Variants in DNAH11 observed in about 807,000 individuals in gnomAD.
DNAH11 encodes the protein axonemal beta dynein heavy chain 11.
In DNAH11, 442 loss-of-function variants were observed where a neutral mutation model predicts 526.0. The ratio of observed to expected loss-of-function variants is 0.84; its 90% CI spans 0.78 to 0.91. The LOEUF is 0.91. Among genes scored for constraint, DNAH11 ranks in the 40% least tolerant of loss-of-function variants. DNAH11 has a pLI of 0.00. For missense variants in DNAH11, 6,989 were observed against 5,448.7 expected (o/e 1.28, Z -8.90); for synonymous variants, 2,461 against 1,935.9 (o/e 1.27, Z -7.12).
intron 51 of DNAH11, 127 bp downstream of exon 51, chr7:21,745,190 AT>A (rs753390814): frequency 1.2e-5 from 12 of 966,866 alleles, no homozygotes; most frequent in Non-Finnish European, 1.6e-5. Context: ...TTGACATATA[AT>A]TTTAAAATAT....
intron 63 of DNAH11, among the ~76,000 whole-genome samples, chr7:21,809,622 G>A (rs1257882349): frequency 6.6e-6 from 1 of 151,932 alleles, no homozygotes; most frequent in Non-Finnish European, 1.5e-5. Context: ...GGAGTGCAAT[G>A]GTTCAGTCTC....
At chr7:21,621,883 G>A (rs1352265425) in intron 25 of DNAH11, among the ~76,000 whole-genome samples, 2 of 152,050 alleles carry the variant, frequency 1.3e-5, no homozygotes, top group Non-Finnish European at 2.9e-5. Context: ...GCGAAAACTG[G>A]AAGCATTCCC....
At chr7:21,748,047 G>T (rs940042779) in intron 51 of DNAH11, among the ~76,000 whole-genome samples, 1 of 152,220 alleles carries the variant, frequency 6.6e-6, no homozygotes, top group Non-Finnish European at 1.5e-5. Flanking sequence ...ATTAGCAGAG[G>T]ATGATTTGTC....
At chr7:21,635,684 A>G (rs1477425305) in intron 25 of DNAH11, among the ~76,000 whole-genome samples, 187 bp from the exon 26 acceptor site, 1 of 152,160 alleles carries the variant, frequency 6.6e-6, no homozygotes, top group South Asian at 2.1e-4. Flanking sequence ...AAATGTTAAT[A>G]TAAATATTTA....
At chr7:21,608,103 C>T (rs901583527) in intron 20 of DNAH11, among the ~76,000 whole-genome samples, 4 of 150,496 alleles carry the variant, frequency 2.7e-5, no homozygotes, top group Admixed American at 2.7e-4. Flanking sequence ...ATTCTTTTGC[C>T]CGTAACTTTT....
rs1323005138 is a variant in DNAH11, at chr7:21,852,330, C to G, written c.10897-137C>G. 5 of 792,478 alleles carry G rather than the reference C, an allele frequency of 6.3e-6. No individual in the cohort carries two copies. The Admixed American group carries it at 1.6e-4, about 25-fold the overall frequency. 49.1% of individuals were successfully genotyped at this position (792,478 alleles called of 1,614,324 possible). On this transcript the variant is annotated intron_variant, in intron 66 of 81. Coordinates refer to ENST00000409508, the MANE Select transcript of DNAH11 (RefSeq NM_001277115.2). Reference sequence around the variant, plus strand: ...GCTGAGGCAGGAGAATCGCTTTAACCCAGGAGGCACACGTCGCAGTGAGCC... The same window carrying G: ...GCTGAGGCAGGAGAATCGCTTTAACGCAGGAGGCACACGTCGCAGTGAGCC...
At chr7:21,785,525 T>C (rs967874834) in intron 58 of DNAH11, among the ~76,000 whole-genome samples, 3 of 152,200 alleles carry the variant, frequency 2.0e-5, no homozygotes, top group African/African-American at 7.2e-5. Flanking sequence ...CTAATTCTTT[T>C]GGTAAGAATA....
At chr7:21,835,179 A>C (rs1781944485) in intron 65 of DNAH11, among the ~76,000 whole-genome samples, 1 of 151,716 alleles carries the variant, frequency 6.6e-6, no homozygotes, top group Non-Finnish European at 1.5e-5. Context: ...GAATTCTATC[A>C]AACATTTAAA....
chr7:21,659,699 GCA>G (rs1318671513), intron 30 of DNAH11, among the ~76,000 whole-genome samples: 4 of 152,026 alleles, frequency 2.6e-5, no homozygotes, highest in Non-Finnish European at 4.4e-5. Context: ...TCCCAATGTT[GCA>G]CAGTTTATAA....
intron 76 of DNAH11, among the ~76,000 whole-genome samples, chr7:21,890,910 C>T (rs986146194): frequency 1.3e-5 from 2 of 151,926 alleles, no homozygotes; most frequent in African/African-American, 4.8e-5. Context: ...AAAATCCTCC[C>T]GGTACAAAAT....
chr7:21,643,468 A>G (rs960889368), intron 28 of DNAH11, among the ~76,000 whole-genome samples: 6 of 152,308 alleles, frequency 3.9e-5, no homozygotes, highest in Admixed American at 1.3e-4. Context: ...CAATAGAGCT[A>G]TACTAAAGAA....
At chr7:21,544,184 C>G (rs996373930) in intron 1 of DNAH11, among the ~76,000 whole-genome samples, 1 of 152,142 alleles carries the variant, frequency 6.6e-6, no homozygotes, top group East Asian at 1.9e-4. Context: ...GATTTGTCCA[C>G]TAAAAGGTTA....
At chr7:21,754,264 A>C (rs1052464699) in intron 54 of DNAH11, among the ~76,000 whole-genome samples, 3 of 152,226 alleles carry the variant, frequency 2.0e-5, no homozygotes, top group Non-Finnish European at 4.4e-5. Flanking sequence ...ATCTTGTCAA[A>C]GAAGTATCTA....
chr7:21,756,278 T>A (rs1376456764), intron 54 of DNAH11, among the ~76,000 whole-genome samples: 1 of 152,154 alleles, frequency 6.6e-6, no homozygotes, highest in Non-Finnish European at 1.5e-5. Flanking sequence ...TATTATATAA[T>A]CTCTCTTTTA....
chr7:21,642,636 A>G (rs1489489003), intron 28 of DNAH11, among the ~76,000 whole-genome samples: 1 of 152,140 alleles, frequency 6.6e-6, no homozygotes, highest in Non-Finnish European at 1.5e-5. Flanking sequence ...ATTTCCCCAT[A>G]AAAGGCGCCC....
chr7:21,881,050 T>C (rs552730189), intron 75 of DNAH11, among the ~76,000 whole-genome samples, 157 bp downstream of exon 75: 1 of 152,222 alleles, frequency 6.6e-6, no homozygotes, highest in South Asian at 2.1e-4. Context: ...ATAAACCAGA[T>C]CAAAGGTTTT....
At chr7:21,876,999 C>T (rs1783740450) in intron 74 of DNAH11, among the ~76,000 whole-genome samples, 1 of 152,180 alleles carries the variant, frequency 6.6e-6, no homozygotes, top group East Asian at 1.9e-4. Context: ...CCCACATCTC[C>T]TTGTATTATT....
chr7:21,776,411 C>A (rs912923371), intron 56 of DNAH11, among the ~76,000 whole-genome samples: 1 of 152,130 alleles, frequency 6.6e-6, no homozygotes, highest in African/African-American at 2.4e-5. Context: ...ATTGGAGAAC[C>A]ATATTGCAGA....
chr7:21,585,350 A>G (rs1784446580), intron 9 of DNAH11, among the ~76,000 whole-genome samples: 1 of 152,160 alleles, frequency 6.6e-6, no homozygotes. Flanking sequence ...AAAAAATTAC[A>G]AGGCTGTGTA....
Sources: allele counts gnomAD v4.1 joint callset (sites outside exome capture counted in the v4.1 genomes callset), GRCh38; gene constraint gnomAD v4.1.1; transcripts MANE v1.5; gene names NCBI Gene and HGNC (gene_info 2026-07-23, HGNC 2026-07-21).